Variants in WDR19 observed in about 807,000 individuals in gnomAD.
The protein encoded by WDR19 is WD repeat-containing protein 19.
WDR19 carries 121 observed loss-of-function variants against 180.0 expected under a neutral mutation model. That is an observed-to-expected ratio of 0.67 (90% CI 0.58 to 0.78). WDR19 has a LOEUF of 0.78. Ranked by LOEUF, WDR19 falls within the 30% of genes least tolerant of loss-of-function variation. WDR19 has a pLI of 0.00. For missense variants in WDR19, 1,450 were observed against 1,640.7 expected, an observed-to-expected ratio of 0.88 and a Z score of 2.01; for synonymous variants, 497 against 540.7, an observed-to-expected ratio of 0.92 and a Z score of 1.12.
At chr4:39,211,284 A>G (rs770339654) in intron 9 of WDR19, among the ~76,000 whole-genome samples, 1 of 152,252 alleles carries the variant, frequency 6.6e-6, no homozygotes, top group Non-Finnish European at 1.5e-5. Flanking sequence ...GGAACAAGAC[A>G]AGAATATCTG....
chr4:39,269,388 A>G (rs1209735768), intron 30 of WDR19, among the ~76,000 whole-genome samples: 1 of 152,148 alleles, frequency 6.6e-6, no homozygotes, highest in Non-Finnish European at 1.5e-5. Flanking sequence ...CACAGTAGGC[A>G]TGGGAAGGGA....
At chr4:39,256,534 G>A (rs1477440360) in intron 27 of WDR19, among the ~76,000 whole-genome samples, 2 of 152,138 alleles carry the variant, frequency 1.3e-5, no homozygotes, top group Admixed American at 6.5e-5. Context: ...TTTTTCAAGA[G>A]AAACGGAAGC....
At chr4:39,284,331 A>ATT (rs143848496) in intron 36 of WDR19, among the ~76,000 whole-genome samples, 3,253 of 91,456 alleles carry the variant, frequency 0.036, 114 homozygotes, top group Non-Finnish European at 0.052. Context: ...AGTAAAAAAA[A>ATT]TTTTTTTTTT....
intron 31 of WDR19, 88 bp downstream of exon 31, chr4:39,270,188 G>A (rs913348092): frequency 2.3e-5 from 35 of 1,519,872 alleles, no homozygotes; most frequent in African/African-American, 4.1e-5. Flanking sequence ...CATTGGATTC[G>A]AGTGATTGTC....
chr4:39,230,475 G>A lies in WDR19; in HGVS notation c.1983-1322G>A, dbSNP rs372931239. On this transcript the variant is annotated intron_variant, in intron 17 of 36. Transcript: ENST00000399820. The stretch of plus-strand genomic sequence containing the variant: ...GACACCACTTACCTCTGTGTGCCTT[G>A]GGCTAGTCTTTTGACGTCTCTAAGC... 2.3e-3 allele frequency among the ~76,000 whole-genome samples: 344 copies of A among 152,176 alleles called. 6 individuals are homozygous for A. In the South Asian group the frequency reaches 0.046, roughly 20 times the overall value.
intron 12 of WDR19, 56 bp from the exon 13 acceptor site, chr4:39,217,078 G>T (rs1391657329): frequency 8.3e-7 from 1 of 1,206,838 alleles, no homozygotes; most frequent in East Asian, 2.7e-5. Context: ...TTTGCAAGTA[G>T]GTATGAGATA....
rs558509343 is a variant in WDR19, at chr4:39,262,918, G to A, written c.3184-3145G>A. ...CAATCCTCCATTTCTTTCTTTCTTG[G>A]GGACCTTCCCCTGGGGAAAAAAAAA... On this transcript the variant is annotated intron_variant, in intron 28 of 36. Transcript: ENST00000399820. 1.1e-3 allele frequency among the ~76,000 whole-genome samples: 167 copies of A among 152,070 alleles called. 1 individual carries two copies. Among genetic ancestry groups the A allele is most frequent in the African/African-American group, 3.9e-3 (161 of 41,486 alleles).
intron 14 of WDR19, among the ~76,000 whole-genome samples, chr4:39,222,933 C>T (rs1380234143): frequency 6.6e-6 from 1 of 152,160 alleles, no homozygotes; most frequent in Non-Finnish European, 1.5e-5. Context: ...CATAATTTTG[C>T]CATTTCAATA....
At chr4:39,273,135 C>A in intron 32 of WDR19, 74 bp downstream of exon 32, 1 of 1,174,564 alleles carries the variant, frequency 8.5e-7, no homozygotes, top group Non-Finnish European at 1.2e-6. Flanking sequence ...GCCCCTTTTG[C>A]AGGCTCCCCT....
intron 30 of WDR19, among the ~76,000 whole-genome samples, chr4:39,268,975 T>C (rs1735075668): frequency 1.3e-5 from 2 of 152,060 alleles, no homozygotes; most frequent in Non-Finnish European, 1.5e-5. Context: ...CAATGAAAGC[T>C]TTACCTGAGT....
intron 15 of WDR19, among the ~76,000 whole-genome samples, chr4:39,227,477 G>A (rs1332532310): frequency 6.6e-6 from 1 of 152,142 alleles, no homozygotes; most frequent in African/African-American, 2.4e-5. Flanking sequence ...GGATGGTTTT[G>A]TCTGTGCTAA....
chr4:39,228,237 G>T lies in WDR19; in HGVS notation c.1657G>T (p.Asp553Tyr). ...PVNDATYEIP[D>Y]FSPTIKGVLW... ...CAATGACGCTACCTATGAGATTCCAGATTTTTCACCAACCATTAAAGGTGT... is the reference window on the plus strand; with the variant it reads ...CAATGACGCTACCTATGAGATTCCATATTTTTCACCAACCATTAAAGGTGT... The change falls in exon 16 of 37, where the codon GAT (aspartate) becomes TAT (tyrosine). Residue 553 changes from aspartate to tyrosine, a missense_variant. Coordinates refer to ENST00000399820, the MANE Select transcript of WDR19 (RefSeq NM_025132.4). The T allele has an allele frequency of 6.2e-7, 1 of 1,613,224 alleles. No individual in the cohort carries two copies. The highest frequency in any genetic ancestry group is 8.5e-7 in the Non-Finnish European group (1 of 1,179,630).
At chr4:39,252,851 A>G in intron 24 of WDR19, among the ~76,000 whole-genome samples, 1 of 152,214 alleles carries the variant, frequency 6.6e-6, no homozygotes. Context: ...CTATATTACT[A>G]TTATAATCTT....
intron 1 of WDR19, among the ~76,000 whole-genome samples, chr4:39,185,427 T>G (rs1020547645): frequency 6.6e-6 from 1 of 152,190 alleles, no homozygotes; most frequent in South Asian, 2.1e-4. Context: ...TACAAAACAC[T>G]AAAATTACAT....
intron 14 of WDR19, among the ~76,000 whole-genome samples, chr4:39,220,311 A>T (rs1729526256): frequency 6.6e-6 from 1 of 151,956 alleles, no homozygotes; most frequent in South Asian, 2.1e-4. Context: ...CTCACATGAA[A>T]TTATGATTAT....
At chr4:39,236,911 T>C (rs1731444088) in intron 20 of WDR19, among the ~76,000 whole-genome samples, 1 of 152,202 alleles carries the variant, frequency 6.6e-6, no homozygotes, top group Non-Finnish European at 1.5e-5. Context: ...TGCATCGAAG[T>C]GTAATTTTAG....
rs368953475 is a variant in WDR19, at chr4:39,252,186, T to G, written c.2730-960T>G. 1.4e-4 allele frequency among the ~76,000 whole-genome samples: 21 copies of G among 151,642 alleles called. 1 individual carries two copies. The South Asian group carries it at 4.4e-3, about 32-fold the overall frequency. Reference sequence around the variant, plus strand: ...TGGAATACTATGCAGCCATAAAAAATGATGAGTTCATGTCCTTTGTAGGGA... The same window carrying G: ...TGGAATACTATGCAGCCATAAAAAAGGATGAGTTCATGTCCTTTGTAGGGA... On this transcript the variant is annotated intron_variant, in intron 24 of 36. Coordinates refer to ENST00000399820, the MANE Select transcript of WDR19 (RefSeq NM_025132.4).
intron 5 of WDR19, among the ~76,000 whole-genome samples, chr4:39,199,031 G>A (rs1415082950): frequency 6.6e-6 from 1 of 151,958 alleles, no homozygotes; most frequent in Non-Finnish European, 1.5e-5. Flanking sequence ...GCTGGGTGTG[G>A]TGGCATGTGC....
intron 3 of WDR19, among the ~76,000 whole-genome samples, chr4:39,187,315 G>A (rs893239775): frequency 6.6e-6 from 1 of 151,804 alleles, no homozygotes; most frequent in Non-Finnish European, 1.5e-5. Flanking sequence ...AGCTACTTGG[G>A]AGGCTGAGGC....
Sources: allele counts gnomAD v4.1 joint callset (sites outside exome capture counted in the v4.1 genomes callset), GRCh38; gene constraint gnomAD v4.1.1; transcripts MANE v1.5; gene names NCBI Gene and HGNC (gene_info 2026-07-23, HGNC 2026-07-21).